TMEM143: variants seen among roughly 807,000 people sequenced by gnomAD.
The protein encoded by TMEM143 is transmembrane protein 143.
In TMEM143, 45 loss-of-function variants were observed where a neutral mutation model predicts 40.3. That is an observed-to-expected ratio of 1.12 (90% CI 0.88 to 1.43). TMEM143 has a LOEUF of 1.43. Ranked by LOEUF, TMEM143 falls within the 40% of genes most tolerant of loss-of-function variation. The pLI is 0.00. For synonymous variants in TMEM143, 299 were observed against 282.7 expected (o/e 1.06, Z -0.58); for missense variants, 620 against 613.4 (o/e 1.01, Z -0.11).
chr19:48,363,641 A>G (rs1970122391), intron 1 of TMEM143, 110 bp from the exon 2 acceptor site: 5 of 1,470,978 alleles, frequency 3.4e-6, no homozygotes, highest in Non-Finnish European at 4.5e-6. Context: ...CAGGGCGCAG[A>G]GCCCATCCGC....
chr19:48,348,825 G>A (rs568635935), intron 3 of TMEM143, among the ~76,000 whole-genome samples: 1 of 152,188 alleles, frequency 6.6e-6, no homozygotes, highest in Non-Finnish European at 1.5e-5. Flanking sequence ...TTCCTAGTAG[G>A]GCCTGCAAGG....
At chr19:48,346,628 A>G (rs1255686335) in intron 3 of TMEM143, among the ~76,000 whole-genome samples, 3 of 151,788 alleles carry the variant, frequency 2.0e-5, no homozygotes, top group Admixed American at 2.0e-4. Context: ...CCCAGGGTGG[A>G]GTGCAATGGC....
intron 6 of TMEM143, among the ~76,000 whole-genome samples, chr19:48,334,947 G>A (rs1380027172): frequency 6.6e-6 from 1 of 152,144 alleles, no homozygotes; most frequent in Non-Finnish European, 1.5e-5. Context: ...AGCCCCATCT[G>A]GCCTACAGTT....
At chr19:48,343,219 G>C in intron 5 of TMEM143, 102 bp downstream of exon 5, 1 of 1,435,096 alleles carries the variant, frequency 7.0e-7, no homozygotes. Context: ...TCAACTTCCC[G>C]CCTGGGGCCC....
In TMEM143 at chr19:48,342,626, G is replaced by A. The variant is rs757039002; in HGVS notation, c.879C>T (p.Phe293=). The A allele has an allele frequency of 8.1e-6, 13 of 1,613,808 alleles. No individual in the cohort carries two copies. Among genetic ancestry groups the A allele is most frequent in the South Asian group, 1.1e-5 (1 of 91,086 alleles). ...LMLVVSGVAI[F]VNVGMVVLTD... is the part of the protein sequence containing the mutation. ...TTAGCACCACCATGCCCACGTTGAC[G>A]AAGATCGCCACGCCGGAGACTACCA... Residue 293 remains phenylalanine, a synonymous_variant, in exon 6 of 8, where the codon TTC becomes TTT. Transcript: ENST00000293261.
chr19:48,361,122 C>T (rs1352727007), intron 2 of TMEM143, among the ~76,000 whole-genome samples: 1 of 151,978 alleles, frequency 6.6e-6, no homozygotes, highest in Non-Finnish European at 1.5e-5. Context: ...GTGGGAGAAA[C>T]TGAGGCTCTG....
At chr19:48,341,612 C>T (rs1969489353) in intron 6 of TMEM143, among the ~76,000 whole-genome samples, 1 of 152,188 alleles carries the variant, frequency 6.6e-6, no homozygotes, top group African/African-American at 2.4e-5. Context: ...CTATTCTCAG[C>T]ACTGTGCATG....
In TMEM143 at chr19:48,345,219, G is replaced by T; in HGVS notation, c.505C>A (p.Leu169Met). 1 of 1,613,592 alleles carries T rather than the reference G, an allele frequency of 6.2e-7. No homozygotes were observed. The highest frequency in any genetic ancestry group is 8.5e-7 in the Non-Finnish European group (1 of 1,179,728). Residue 169 changes from leucine to methionine, a missense_variant, in exon 4 of 8, where the codon CTG becomes ATG. Transcript: ENST00000293261. ...PLLAQANFSP[L>M]SEDTLAYALV... ...GCGTAGGCCAGGGTGTCCTCAGACA[G>T]CGGGGAGAAGTTGGCCTGGGCCAGC...
intron 3 of TMEM143, among the ~76,000 whole-genome samples, chr19:48,354,122 C>A (rs1969832845): frequency 6.6e-6 from 1 of 151,642 alleles, no homozygotes; most frequent in South Asian, 2.1e-4. Context: ...CCACACCCAG[C>A]TAATTTTTGT....
At chr19:48,339,465 C>T (rs1019537623) in intron 6 of TMEM143, among the ~76,000 whole-genome samples, 4 of 152,186 alleles carry the variant, frequency 2.6e-5, no homozygotes, top group Non-Finnish European at 4.4e-5. Flanking sequence ...TCCCCGCACC[C>T]CTTATCCCGC....
rs747702752 is a variant in TMEM143 at position 48,342,563 on chromosome 19, GAGC to G, written c.939_941del (p.Leu314del). On this transcript the variant is annotated inframe_deletion, in exon 6 of 8. Coordinates refer to ENST00000293261, the MANE Select transcript of TMEM143 (RefSeq NM_018273.4). ...CCCGCAGGCCCATGAAGATGGCGAA[GAGC>G]AGCAGCAGCAGGGAGGTGGCCACCT... 12 of 1,611,936 alleles carry G rather than the reference GAGC, an allele frequency of 7.4e-6. No individual in the cohort carries two copies. In the East Asian group the frequency reaches 2.0e-4, roughly 27 times the overall value.
At chr19:48,335,219 T>C (rs1569023101) in intron 6 of TMEM143, among the ~76,000 whole-genome samples, 1 of 152,188 alleles carries the variant, frequency 6.6e-6, no homozygotes, top group Non-Finnish European at 1.5e-5. Flanking sequence ...TAGTGGAGTT[T>C]ATCATACTAT....
At chr19:48,356,678 A>T (rs893296218) in intron 3 of TMEM143, among the ~76,000 whole-genome samples, 9 of 148,126 alleles carry the variant, frequency 6.1e-5, no homozygotes, top group Admixed American at 5.4e-4. Flanking sequence ...GCTCACTGCA[A>T]CCTCCTCCTC....
intron 6 of TMEM143, among the ~76,000 whole-genome samples, chr19:48,334,478 CTTT>C (rs776760857): frequency 7.8e-5 from 3 of 38,218 alleles, no homozygotes; most frequent in African/African-American, 2.3e-4. Context: ...TTCTTTCTTT[CTTT>C]TTCTTTCTTT....
At chr19:48,360,015 G>T in intron 3 of TMEM143, 57 bp downstream of exon 3, 1 of 1,551,070 alleles carries the variant, frequency 6.4e-7, no homozygotes, top group Non-Finnish European at 8.8e-7. Flanking sequence ...GGGAATGTTT[G>T]CTAAATGAGC....
At position 48,346,797 on chromosome 19, in the gene TMEM143, C is replaced by T. The variant is rs149507054; in HGVS notation, c.370-1443G>A. ...TTCACCATGTTGGCCAGGCTGGTCT[C>T]GAACTCCTGACCTCAAGCGATCCCC... On this transcript the variant is annotated intron_variant, in intron 3 of 7. Coordinates refer to ENST00000293261, the MANE Select transcript of TMEM143 (RefSeq NM_018273.4). Among the ~76,000 whole-genome samples the T allele has an allele frequency of 4.6e-5, 7 of 152,178 alleles. No homozygotes were observed. In the East Asian group the frequency reaches 1.4e-3, roughly 29 times the overall value.
chr19:48,360,100 T>C lies in TMEM143; in HGVS notation c.341A>G (p.His114Arg). ...CAGCCGGGCCAGGATTTGGTGGTAG[T>C]GGAACAGGGTGCAGAAGTCCACGTG... The part of the protein sequence containing the change: ...SAHVDFCTLF[H>R]YHQILARLQA... The change falls in exon 3 of 8, where the codon CAC (histidine) becomes CGC (arginine). Residue 114 changes from histidine to arginine, a missense_variant. By Grantham distance (29) the His-to-Arg change is conservative. Transcript: ENST00000293261. 6.2e-7 allele frequency: 1 copy of C among 1,614,090 alleles called. No individual in the cohort carries two copies. The highest frequency in any genetic ancestry group is 8.5e-7 in the Non-Finnish European group (1 of 1,180,020).
At chr19:48,363,149 CACTAGGGAA>C in intron 2 of TMEM143, 133 bp downstream of exon 2, 1 of 1,198,344 alleles carries the variant, frequency 8.3e-7, no homozygotes, top group South Asian at 1.6e-5. Context: ...ATCTCCCGCC[CACTAGGGAA>C]ACACGAAGGG....
At position 48,362,420 on chromosome 19, in the gene TMEM143, G is replaced by A. The variant is rs370831466; in HGVS notation, c.264+871C>T. ...CCAGGCAAGAGTCCCAGCCTCTCGG[G>A]GGCTGAGGAAGGAGGATCACTTGAG... On this transcript the variant is annotated intron_variant, in intron 2 of 7. Transcript: ENST00000293261. 6.6e-5 allele frequency among the ~76,000 whole-genome samples: 10 copies of A among 152,146 alleles called. No individual in the cohort carries two copies. The East Asian group carries it at 1.2e-3, about 18-fold the overall frequency.
Sources: gnomAD v4.1 joint callset for allele counts (sites outside exome capture counted in the v4.1 genomes callset) on GRCh38, gnomAD v4.1.1 for gene constraint, MANE v1.5 for transcripts, NCBI Gene and HGNC (gene_info 2026-07-23, HGNC 2026-07-21) for gene names.